CHST3: variants seen among roughly 807,000 people sequenced by gnomAD.
The protein encoded by CHST3 is C6ST-1.
A neutral mutation model predicts 35.4 loss-of-function variants in CHST3; 20 were observed. That is an observed-to-expected ratio of 0.57 (90% CI 0.40 to 0.82). The LOEUF (loss-of-function observed/expected upper bound fraction) is 0.82, where lower values mean the gene tolerates loss of function less well. CHST3 is among the 40% of genes least tolerant of loss of function. The pLI is 0.00. For synonymous variants in CHST3, 334 were observed against 295.9 expected, an observed-to-expected ratio of 1.13 and a Z score of -1.32; for missense variants, 693 against 670.1, an observed-to-expected ratio of 1.03 and a Z score of -0.38.
rs939471862 is a variant in CHST3 at position 72,008,642 on chromosome 10, G to C, written c.*171G>C. The C allele has an allele frequency of 1.5e-6, 2 of 1,344,222 alleles. No homozygotes were observed. The highest frequency in any genetic ancestry group is 2.9e-5 in the African/African-American group (2 of 67,808). The allele number at this position is 1,344,222 out of a possible 1,614,324, so 83.3% of individuals were successfully genotyped here. ...CGGCGGCCCCAGGGTTAATTGCGGA[G>C]AACAGGACAGTGCCCGGTCCCCTTG... On this transcript the variant is annotated 3_prime_UTR_variant, in exon 3 of 3. Transcript: ENST00000373115.
intron 1 of CHST3, among the ~76,000 whole-genome samples, chr10:72,003,785 T>C (rs1177083177): frequency 6.6e-6 from 1 of 151,742 alleles, no homozygotes; most frequent in East Asian, 1.9e-4. Context: ...CCAAGTGCAG[T>C]GGCACACCTA....
intron 1 of CHST3, among the ~76,000 whole-genome samples, chr10:72,000,919 T>A (rs1589506559): frequency 6.7e-6 from 1 of 149,134 alleles, no homozygotes; most frequent in East Asian, 2.0e-4. Context: ...AGGGAGGAGG[T>A]GATGCAGCAT....
chr10:71,983,516 T>C (rs1171329791), intron 1 of CHST3, among the ~76,000 whole-genome samples: 1 of 152,178 alleles, frequency 6.6e-6, no homozygotes, highest in Non-Finnish European at 1.5e-5. Context: ...AGTGGCTCAA[T>C]CTTGGCTCAC....
rs1840134310 is a variant in CHST3, at chr10:72,013,543, C to A, written c.*5072C>A. 7 of 152,276 alleles carry A rather than the reference C, an allele frequency of 4.6e-5. No individual in the cohort carries two copies. Among genetic ancestry groups the A allele is most frequent in the Admixed American group, 4.6e-4 (7 of 15,292 alleles). 9.4% of individuals were successfully genotyped at this position (152,276 alleles called of 1,614,324 possible). ...TGACTTATTTAATTAAAGATGAAAT[C>A]ATGCAATGAGCAAAACCTGCAGCGT... On this transcript the variant is annotated 3_prime_UTR_variant, in exon 3 of 3. Transcript: ENST00000373115.
At chr10:71,977,224 G>A (rs1839754569) in intron 1 of CHST3, among the ~76,000 whole-genome samples, 1 of 152,224 alleles carries the variant, frequency 6.6e-6, no homozygotes, top group South Asian at 2.1e-4. Flanking sequence ...CACCCACACA[G>A]CATGAATGGG....
At chr10:71,975,246 C>A (rs781497992) in intron 1 of CHST3, among the ~76,000 whole-genome samples, 1 of 152,112 alleles carries the variant, frequency 6.6e-6, no homozygotes, top group Non-Finnish European at 1.5e-5. Context: ...CATCTGATTG[C>A]GCGAGGTAGT....
At chr10:71,982,152 T>G (rs1308896120) in intron 1 of CHST3, among the ~76,000 whole-genome samples, 1 of 152,162 alleles carries the variant, frequency 6.6e-6, no homozygotes, top group African/African-American at 2.4e-5. Context: ...GATTTTGAGT[T>G]GAGAGATTAT....
chr10:71,989,286 C>G (rs58404044), intron 1 of CHST3, among the ~76,000 whole-genome samples: 31 of 152,110 alleles, frequency 2.0e-4, no homozygotes, highest in Admixed American at 1.1e-3. Flanking sequence ...CTCCAAAAAG[C>G]TTTTTTTAAA....
chr10:72,008,071 G>T lies in CHST3; in HGVS notation c.1040G>T (p.Ser347Ile), dbSNP rs944205927. Residue 347 changes from serine to isoleucine, a missense_variant, in exon 3 of 3, where the codon AGC (serine) becomes ATC (isoleucine). By Grantham distance (142) the Ser-to-Ile change is moderately radical. Transcript: ENST00000373115. Reference sequence around the variant, plus strand: ...CAGCGGCTGCGGGGCAACTGCGAGAGCATCCGCCTGTCCGCGGAGCTGGGG... The same window carrying T: ...CAGCGGCTGCGGGGCAACTGCGAGATCATCCGCCTGTCCGCGGAGCTGGGG... ...EVQRLRGNCE[S>I]IRLSAELGLR... 2 of 1,546,214 alleles carry T rather than the reference G, an allele frequency of 1.3e-6. No homozygotes were observed. The highest frequency in any genetic ancestry group is 2.0e-5 in the Admixed American group (1 of 50,860).
chr10:71,977,446 CG>C (rs1839756970), intron 1 of CHST3, among the ~76,000 whole-genome samples: 1 of 125,358 alleles, frequency 8.0e-6, no homozygotes, highest in Admixed American at 8.7e-5. Context: ...CCCCTAAGCT[CG>C]ATTTTTTTTT....
rs544195789 is a variant in CHST3, at chr10:72,009,797, G to A, written c.*1326G>A. The A allele has an allele frequency of 1.3e-5, 2 of 152,854 alleles. No homozygotes were observed. Among genetic ancestry groups the A allele is most frequent in the African/African-American group, 4.8e-5 (2 of 41,458 alleles). The allele number at this position is 152,854 out of a possible 1,614,324, so 9.5% of individuals were successfully genotyped here. A position where few individuals can be genotyped will look rare whatever the true frequency, so the allele number is the denominator to read the frequency against. The stretch of plus-strand genomic sequence containing the variant: ...CAGGATGTGCTGGGTGTTTTGTTTC[G>A]GGCTTTTATTTATGGCTTGGTGTCT... On this transcript the variant is annotated 3_prime_UTR_variant, in exon 3 of 3. Transcript: ENST00000373115.
At chr10:72,004,304 C>A (rs890636046) in intron 1 of CHST3, among the ~76,000 whole-genome samples, 1 of 152,160 alleles carries the variant, frequency 6.6e-6, no homozygotes, top group Admixed American at 6.5e-5. Flanking sequence ...GATGAACTCC[C>A]TGTCCTGCCT....
rs1188151046 is a variant in CHST3 at position 72,010,615 on chromosome 10, ATT to A, written c.*2147_*2148del. On this transcript the variant is annotated 3_prime_UTR_variant, in exon 3 of 3. Coordinates refer to ENST00000373115, the MANE Select transcript of CHST3 (RefSeq NM_004273.5). ...TTTTTTTATTTTCTTTTCTTTTGCT[ATT>A]TTGCCTGAACACCCCAACACTCTTG... 2.6e-5 allele frequency: 4 copies of A among 151,804 alleles called. No individual in the cohort carries two copies. The highest frequency in any genetic ancestry group is 5.9e-5 in the Non-Finnish European group (4 of 67,970). The allele number at this position is 151,804 out of a possible 1,614,324, so 9.4% of individuals were successfully genotyped here.
At position 72,005,805 on chromosome 10, in the gene CHST3, G is replaced by A; in HGVS notation, c.-38G>A. ...TGATGCCCCTCAGCTGAGTGTCCAA[G>A]GCTGGCCCGAGGAGCCCCCACGGCC... On this transcript the variant is annotated 5_prime_UTR_variant, in exon 2 of 3. Transcript: ENST00000373115. 3 of 1,613,880 alleles carry A rather than the reference G, an allele frequency of 1.9e-6. No homozygotes were observed. Among genetic ancestry groups the A allele is most frequent in the Non-Finnish European group, 1.7e-6 (2 of 1,179,950 alleles).
chr10:71,964,936 C>A (rs56343295), intron 1 of CHST3, among the ~76,000 whole-genome samples: 1 of 152,238 alleles, frequency 6.6e-6, no homozygotes, highest in Admixed American at 6.5e-5. Context: ...ACCCCGCACA[C>A]GGCGCAGGCT....
At position 72,012,852 on chromosome 10, in the gene CHST3, G is replaced by A. The variant is rs1840125725; in HGVS notation, c.*4381G>A. 1 of 152,262 alleles carries A rather than the reference G, an allele frequency of 6.6e-6. No individual in the cohort carries two copies. Among genetic ancestry groups the A allele is most frequent in the South Asian group, 2.1e-4 (1 of 4,834 alleles). 9.4% of individuals were successfully genotyped at this position (152,262 alleles called of 1,614,324 possible). A position where few individuals can be genotyped will look rare whatever the true frequency, so the allele number is the denominator to read the frequency against. ...TCAACTCGCTGCAGTTTCAGAGACA[G>A]TGGAAGCTGCTCTTTACCTCAAAAG... On this transcript the variant is annotated 3_prime_UTR_variant, in exon 3 of 3. Transcript: ENST00000373115.
intron 1 of CHST3, among the ~76,000 whole-genome samples, chr10:71,983,852 AG>A (rs1198754085): frequency 6.6e-6 from 1 of 152,254 alleles, no homozygotes; most frequent in Non-Finnish European, 1.5e-5. Context: ...AGGGAATGTA[AG>A]GCCAATCACA....
At chr10:72,004,610 T>C (rs1840021104) in intron 1 of CHST3, among the ~76,000 whole-genome samples, 1 of 152,204 alleles carries the variant, frequency 6.6e-6, no homozygotes, top group Admixed American at 6.5e-5. Context: ...CCACCTTCTC[T>C]CTCCACCTAC....
At chr10:71,990,073 C>A (rs1321926740) in intron 1 of CHST3, among the ~76,000 whole-genome samples, 1 of 152,084 alleles carries the variant, frequency 6.6e-6, no homozygotes, top group Non-Finnish European at 1.5e-5. Context: ...TTGTATATGT[C>A]CTTGTTGTAT....
Sources: gnomAD v4.1 joint callset for allele counts (sites outside exome capture counted in the v4.1 genomes callset) on GRCh38, gnomAD v4.1.1 for gene constraint, MANE v1.5 for transcripts, NCBI Gene and HGNC (gene_info 2026-07-23, HGNC 2026-07-21) for gene names.